The following AHCY variants were observed in gnomAD, a reference collection of about 807,000 sequenced individuals.
AHCY encodes the protein S-adenosyl-L-homocysteine hydrolase.
AHCY carries 24 observed loss-of-function variants against 45.4 expected under a neutral mutation model. That is an observed-to-expected ratio of 0.53 (90% CI 0.38 to 0.74). The LOEUF (loss-of-function observed/expected upper bound fraction) is 0.74, where lower values mean the gene tolerates loss of function less well. AHCY is among the 30% of genes least tolerant of loss of function. The pLI is 0.00. For synonymous variants in AHCY, 245 were observed against 235.1 expected, an observed-to-expected ratio of 1.04 and a Z score of -0.39; for missense variants, 449 against 594.1, an observed-to-expected ratio of 0.76 and a Z score of 2.54.
the AHCY span, among the ~76,000 whole-genome samples, chr20:34,274,722 G>T: frequency 6.6e-6 from 1 of 152,122 alleles, no homozygotes; most frequent in Non-Finnish European, 1.5e-5. Context: ...CGAGGCAGGA[G>T]GATTGCTTGA....
intron 1 of AHCY, chr20:34,302,825 A>AGGAGGCCCAGAGAAG: frequency 9.7e-7 from 1 of 1,034,474 alleles, no homozygotes; most frequent in Admixed American, 5.8e-5. Flanking sequence ...CCGTCCCTGT[A>AGGAGGCCCAGAGAAG]GGAGGCCCAG....
chr20:34,268,116 T>C, the AHCY span, among the ~76,000 whole-genome samples: 1 of 152,192 alleles, frequency 6.6e-6, no homozygotes, highest in Non-Finnish European at 1.5e-5. Flanking sequence ...TTAAATTAAT[T>C]AAAATTAAAT....
At chr20:34,301,558 T>G (rs2036772664) in intron 1 of AHCY, among the ~76,000 whole-genome samples, 1 of 152,156 alleles carries the variant, frequency 6.6e-6, no homozygotes, top group South Asian at 2.1e-4. Context: ...GCGCCTTAAG[T>G]AAAGATAATG....
At chr20:34,268,452 TCA>T in the AHCY span, among the ~76,000 whole-genome samples, 1 of 152,092 alleles carries the variant, frequency 6.6e-6, no homozygotes, top group African/African-American at 2.4e-5. Context: ...GCGCGGTGGC[TCA>T]CGCCTGTAAT....
At position 34,285,587 on chromosome 20, in the gene AHCY, G is replaced by A. The variant is rs372649332; in HGVS notation, c.1020C>T (p.Ala340=). The change falls in exon 9 of 10, where the codon GCC becomes GCT. Residue 340 remains alanine, a synonymous_variant. Transcript: ENST00000217426. ...LKNGRRIILL[A]EGRLVNLGCA... is the part of the protein sequence containing the mutation. Reference sequence around the variant, plus strand: ...AACCCAGGTTGACCAGCCGACCCTCGGCCAGCAGGATGATGCGGCGCCCAT... The same window carrying A: ...AACCCAGGTTGACCAGCCGACCCTCAGCCAGCAGGATGATGCGGCGCCCAT... 8.7e-6 allele frequency: 14 copies of A among 1,613,936 alleles called. No homozygotes were observed. The African/African-American group carries it at 1.2e-4, about 14-fold the overall frequency.
At chr20:34,273,949 G>A in the AHCY span, among the ~76,000 whole-genome samples, 1 of 149,390 alleles carries the variant, frequency 6.7e-6, no homozygotes, top group Non-Finnish European at 1.5e-5. Context: ...CTGGATATAC[G>A]AGTTGTAGAG....
chr20:34,290,278 C>T lies in AHCY; in HGVS notation c.972+54G>A. ...CTCAGCTCTCCTCCCTGGCAGCCAG[C>T]ACTCCTCTGCACTCCCATCTGCCCA... On this transcript the variant is annotated intron_variant, in intron 8 of 9. Coordinates refer to ENST00000217426, the MANE Select transcript of AHCY (RefSeq NM_000687.4). The surrounding 1 kb of genome is among the most constrained non-coding windows in gnomAD (Gnocchi z 4.5). The T allele has an allele frequency of 6.5e-7, 1 of 1,542,476 alleles. No homozygotes were observed. Among genetic ancestry groups the T allele is most frequent in the Non-Finnish European group, 8.9e-7 (1 of 1,118,422 alleles).
downstream of AHCY, among the ~76,000 whole-genome samples, chr20:34,279,634 T>G (rs2035947166): frequency 6.6e-6 from 1 of 152,052 alleles, no homozygotes; most frequent in African/African-American, 2.4e-5. Context: ...CAACTTAAAC[T>G]ATGTGCACTC....
chr20:34,273,003 C>A, the AHCY span, among the ~76,000 whole-genome samples: 1 of 152,208 alleles, frequency 6.6e-6, no homozygotes, highest in Non-Finnish European at 1.5e-5. Flanking sequence ...CCTGGGCCTG[C>A]CACCTTCTAG....
At chr20:34,303,171 G>A in intron 1 of AHCY, 72 bp downstream of exon 1, 1 of 1,547,150 alleles carries the variant, frequency 6.5e-7, no homozygotes, top group East Asian at 2.4e-5. Flanking sequence ...AGTCGGCCCT[G>A]CAGCCCCCGC....
the AHCY span, among the ~76,000 whole-genome samples, chr20:34,249,050 AC>A: frequency 6.6e-6 from 1 of 150,572 alleles, no homozygotes; most frequent in Non-Finnish European, 1.5e-5. Flanking sequence ...AATTGCTTGA[AC>A]CCTGAAGGCA....
rs989487110 is a variant in AHCY, at chr20:34,296,962, C to T, written c.29-1377G>A. ...TCCGGCTGTGCCTCAACTCAAGCCA[C>T]CCACCCCAGCCCTCCTACCCTAGTA... On this transcript the variant is annotated intron_variant, in intron 1 of 9. Transcript: ENST00000217426. Among the ~76,000 whole-genome samples the T allele has an allele frequency of 3.9e-5, 6 of 152,276 alleles. No homozygotes were observed. The South Asian group carries it at 1.0e-3, about 26-fold the overall frequency.
chr20:34,298,610 G>T (rs565356824), intron 1 of AHCY, among the ~76,000 whole-genome samples: 12 of 98,084 alleles, frequency 1.2e-4, no homozygotes, highest in African/African-American at 5.5e-4. Flanking sequence ...GGCGGCGGGA[G>T]GGGGGGGGGT....
rs1333713591 is a variant in AHCY at position 34,298,600 on chromosome 20, G to A, written c.29-3015C>T. 5.2e-5 allele frequency among the ~76,000 whole-genome samples: 7 copies of A among 135,060 alleles called. 1 individual carries two copies. The highest frequency in any genetic ancestry group is 1.4e-4 in the Admixed American group (2 of 14,382). The allele number at this position is 135,060 out of a possible 152,430, so 88.6% of individuals were successfully genotyped here. A position where few individuals can be genotyped will look rare whatever the true frequency, so the allele number is the denominator to read the frequency against. On this transcript the variant is annotated intron_variant, in intron 1 of 9. Coordinates refer to ENST00000217426, the MANE Select transcript of AHCY (RefSeq NM_000687.4). The stretch of plus-strand genomic sequence containing the variant: ...GCTACTTAGCAGACTGGGAAGTGGC[G>A]GCGGCGGGAGGGGGGGGGGTGTCTC...
chr20:34,284,012 C>T (rs781311230), intron 9 of AHCY, among the ~76,000 whole-genome samples: 3 of 152,122 alleles, frequency 2.0e-5, no homozygotes, highest in Non-Finnish European at 4.4e-5. Context: ...GTAAAACTGC[C>T]AAGAAAAGCC....
At chr20:34,302,805 GGTGCCCTCGCC>G in intron 1 of AHCY, 7 of 1,015,862 alleles carry the variant, frequency 6.9e-6, no homozygotes, top group Non-Finnish European at 8.2e-6. Flanking sequence ...CACCCTCCGG[GGTGCCCTCGCC>G]GTCCCTGTAG....
chr20:34,234,548 C>T, the AHCY span, among the ~76,000 whole-genome samples: 5 of 151,830 alleles, frequency 3.3e-5, no homozygotes, highest in Admixed American at 1.3e-4. Context: ...CTTTCTTCCT[C>T]ACTCTGTTGC....
the AHCY span, among the ~76,000 whole-genome samples, chr20:34,251,282 T>G: frequency 6.6e-6 from 1 of 152,076 alleles, no homozygotes; most frequent in African/African-American, 2.4e-5. Context: ...TAACTTTTTT[T>G]TTTTTTGAGA....
intron 2 of AHCY, 200 bp downstream of exon 2, chr20:34,295,195 C>G: frequency 1.4e-6 from 1 of 719,508 alleles, no homozygotes; most frequent in Non-Finnish European, 2.4e-6. Context: ...CCTTCCCAGC[C>G]AGGGAGAAAA....
Sources: allele counts gnomAD v4.1 joint callset (sites outside exome capture counted in the v4.1 genomes callset), GRCh38; gene constraint gnomAD v4.1.1; non-coding constraint Gnocchi (gnomAD v3.1); transcripts MANE v1.5; gene names NCBI Gene and HGNC (gene_info 2026-07-23, HGNC 2026-07-21).